The following SPOCK1 variants were observed in gnomAD, a reference collection of about 807,000 sequenced individuals.
The protein encoded by SPOCK1 is SPARC (osteonectin), cwcv and kazal like domains proteoglycan 1.
Under a neutral mutation model 55.3 loss-of-function variants are expected in SPOCK1, and 23 were observed. That is an observed-to-expected ratio of 0.42 (90% CI 0.30 to 0.59). The LOEUF is 0.59. Among genes scored for constraint, SPOCK1 ranks in the 20% least tolerant of loss-of-function variants. The pLI is 0.22. For missense variants in SPOCK1, 499 were observed against 552.5 expected, an observed-to-expected ratio of 0.90 and a Z score of 0.97; for synonymous variants, 226 against 221.0, an observed-to-expected ratio of 1.02 and a Z score of -0.20.
At chr5:137,454,434 C>G (rs1286517860) in intron 2 of SPOCK1, among the ~76,000 whole-genome samples, 1 of 152,150 alleles carries the variant, frequency 6.6e-6, no homozygotes, top group African/African-American at 2.4e-5. Flanking sequence ...TTTAAAATCT[C>G]TTTTACATAA....
At chr5:137,275,187 A>C (rs1244932779) in intron 2 of SPOCK1, among the ~76,000 whole-genome samples, 5 of 152,252 alleles carry the variant, frequency 3.3e-5, no homozygotes, top group Non-Finnish European at 7.3e-5. Context: ...CCTTCATTTC[A>C]GAGAAAGTAC....
At chr5:137,006,191 C>A (rs1157735852) in intron 6 of SPOCK1, among the ~76,000 whole-genome samples, 2 of 152,120 alleles carry the variant, frequency 1.3e-5, no homozygotes, top group African/African-American at 4.8e-5. Flanking sequence ...TATACGGGCT[C>A]TTTTTTGGTA....
chr5:137,139,066 G>A (rs1561623835), intron 4 of SPOCK1, among the ~76,000 whole-genome samples: 1 of 152,220 alleles, frequency 6.6e-6, no homozygotes, highest in Non-Finnish European at 1.5e-5. Context: ...GGAAACAGGT[G>A]CTGAGCACAA....
intron 2 of SPOCK1, among the ~76,000 whole-genome samples, chr5:137,494,074 C>T (rs1308603530): frequency 6.6e-6 from 1 of 152,202 alleles, no homozygotes; most frequent in African/African-American, 2.4e-5. Context: ...ACTTCTGATT[C>T]TTCAGGCCCG....
At chr5:137,319,672 G>A (rs1430766494) in intron 2 of SPOCK1, among the ~76,000 whole-genome samples, 8 of 152,186 alleles carry the variant, frequency 5.3e-5, no homozygotes, top group Non-Finnish European at 7.4e-5. Flanking sequence ...GAGGCCGGGC[G>A]CGGTGGCTCA....
At chr5:137,053,168 T>C (rs949325725) in intron 6 of SPOCK1, among the ~76,000 whole-genome samples, 1 of 152,186 alleles carries the variant, frequency 6.6e-6, no homozygotes, top group African/African-American at 2.4e-5. Flanking sequence ...ACAAGAAGCA[T>C]GACCTCTGAG....
chr5:137,142,818 C>A (rs1002877964), intron 3 of SPOCK1, among the ~76,000 whole-genome samples: 1 of 152,166 alleles, frequency 6.6e-6, no homozygotes, highest in African/African-American at 2.4e-5. Context: ...GCATAAGAAG[C>A]CAGGAGACTG....
At chr5:137,291,620 C>T (rs1235683437) in intron 2 of SPOCK1, among the ~76,000 whole-genome samples, 1 of 152,172 alleles carries the variant, frequency 6.6e-6, no homozygotes, top group Non-Finnish European at 1.5e-5. Context: ...CAGCAAATAA[C>T]GGAGCTCCCT....
chr5:137,315,877 G>T (rs1343505553), intron 2 of SPOCK1, among the ~76,000 whole-genome samples: 1 of 152,190 alleles, frequency 6.6e-6, no homozygotes, highest in South Asian at 2.1e-4. Flanking sequence ...GACTCAGTAG[G>T]TCCTAGGGGA....
At chr5:136,992,739 C>T (rs1194057114) in intron 6 of SPOCK1, 139 bp from the exon 7 acceptor site, 4 of 587,690 alleles carry the variant, frequency 6.8e-6, no homozygotes, top group Non-Finnish European at 1.2e-5. Flanking sequence ...GGAAAACACC[C>T]CAAAGATGCT....
At chr5:137,263,806 G>T (rs1393722996) in intron 3 of SPOCK1, among the ~76,000 whole-genome samples, 1 of 152,086 alleles carries the variant, frequency 6.6e-6, no homozygotes, top group Admixed American at 6.5e-5. Flanking sequence ...GAAGTTGATG[G>T]CCATTATACT....
intron 2 of SPOCK1, among the ~76,000 whole-genome samples, chr5:137,454,342 T>C (rs1753320784): frequency 6.6e-6 from 1 of 152,116 alleles, no homozygotes. Flanking sequence ...TCCCCCAAAA[T>C]ACCTAGAAGA....
intron 2 of SPOCK1, among the ~76,000 whole-genome samples, chr5:137,337,997 A>C (rs1750321143): frequency 6.6e-6 from 1 of 152,104 alleles, no homozygotes; most frequent in South Asian, 2.1e-4. Flanking sequence ...GCAGATTGGG[A>C]CTAGTGACAC....
intron 2 of SPOCK1, among the ~76,000 whole-genome samples, chr5:137,493,471 C>T (rs1205713978): frequency 1.3e-5 from 2 of 152,154 alleles, no homozygotes; most frequent in East Asian, 3.9e-4. Context: ...CTGGGAAGGC[C>T]AACTGGGGCA....
chr5:137,137,039 G>C (rs927079878), intron 4 of SPOCK1, among the ~76,000 whole-genome samples: 2 of 152,238 alleles, frequency 1.3e-5, no homozygotes, highest in African/African-American at 4.8e-5. Flanking sequence ...ACAGATGTGT[G>C]TGTCAAACAG....
At chr5:137,139,400 C>A (rs1339204038) in intron 4 of SPOCK1, among the ~76,000 whole-genome samples, 2 of 152,120 alleles carry the variant, frequency 1.3e-5, no homozygotes, top group Admixed American at 6.5e-5. Flanking sequence ...TAGGCACATT[C>A]AGAGGAAACC....
intron 2 of SPOCK1, among the ~76,000 whole-genome samples, chr5:137,382,023 C>T (rs1215476987): frequency 6.6e-6 from 1 of 152,198 alleles, no homozygotes; most frequent in African/African-American, 2.4e-5. Context: ...CGAGCATATA[C>T]ATTTAGAAAC....
chr5:137,228,932 T>C (rs1178608651), intron 3 of SPOCK1, among the ~76,000 whole-genome samples: 1 of 152,218 alleles, frequency 6.6e-6, no homozygotes, highest in Non-Finnish European at 1.5e-5. Flanking sequence ...TCTTGATTCA[T>C]GAATTTGTTA....
At chr5:137,215,293 C>T (rs938681145) in intron 3 of SPOCK1, among the ~76,000 whole-genome samples, 1 of 152,168 alleles carries the variant, frequency 6.6e-6, no homozygotes, top group Non-Finnish European at 1.5e-5. Context: ...TCCAGGCAGC[C>T]TCACCCACTT....
Sources: allele counts gnomAD v4.1 joint callset (sites outside exome capture counted in the v4.1 genomes callset), GRCh38; gene constraint gnomAD v4.1.1; transcripts MANE v1.5; gene names NCBI Gene and HGNC (gene_info 2026-07-23, HGNC 2026-07-21).